TNRC6B: variants seen among roughly 807,000 people sequenced by gnomAD.
TNRC6B encodes the protein trinucleotide repeat-containing gene 6B protein.
Under a neutral mutation model 203.6 loss-of-function variants are expected in TNRC6B, and 52 were observed. The ratio of observed to expected loss-of-function variants is 0.26; its 90% confidence interval spans 0.20 to 0.32. The LOEUF (loss-of-function observed/expected upper bound fraction) is 0.32, where lower values mean the gene tolerates loss of function less well. Ranked by LOEUF, TNRC6B falls within the 10% of genes least tolerant of loss-of-function variation. The pLI, the probability that TNRC6B is intolerant of heterozygous loss-of-function variation, is 1.00. For missense variants in TNRC6B, 1,923 were observed against 2,286.2 expected (o/e 0.84, Z 3.24); for synonymous variants, 838 against 845.7 (o/e 0.99, Z 0.16).
At chr22:40,080,136 A>G (rs2068053216) in intron 1 of TNRC6B, among the ~76,000 whole-genome samples, 1 of 123,052 alleles carries the variant, frequency 8.1e-6, no homozygotes, top group Non-Finnish European at 1.6e-5. Context: ...AGGTCTCACT[A>G]TGTTGCCCAA....
chr22:40,311,637 G>T (rs2071184022), intron 17 of TNRC6B, among the ~76,000 whole-genome samples: 1 of 152,008 alleles, frequency 6.6e-6, no homozygotes, highest in Non-Finnish European at 1.5e-5. Context: ...TGCCTCCCAG[G>T]TTCAAGCGAT....
chr22:40,099,645 A>T (rs2068216757), intron 1 of TNRC6B, among the ~76,000 whole-genome samples: 1 of 152,254 alleles, frequency 6.6e-6, no homozygotes, highest in Non-Finnish European at 1.5e-5. Context: ...ATTAGATATC[A>T]TAAATAACCT....
chr22:40,266,720 GCCA>G lies in TNRC6B; in HGVS notation c.2495_2497del (p.Pro832del). ...AGCAGCAGCCCCCACAGCAGCCGCCGCCACCACAACCAGAGGCTTCTGGTTCGT... is the reference window on the plus strand; with the variant it reads ...AGCAGCAGCCCCCACAGCAGCCGCCGCCACAACCAGAGGCTTCTGGTTCGT... On this transcript the variant is annotated inframe_deletion, in exon 5 of 23. Transcript: ENST00000454349. The G allele has an allele frequency of 6.2e-7, 1 of 1,613,912 alleles. No individual in the cohort carries two copies. Among genetic ancestry groups the G allele is most frequent in the Non-Finnish European group, 8.5e-7 (1 of 1,179,860 alleles).
intron 5 of TNRC6B, 55 bp downstream of exon 5, chr22:40,267,091 A>G: frequency 6.9e-7 from 1 of 1,446,724 alleles, no homozygotes; most frequent in South Asian, 1.5e-5. Context: ...TCCTAGACCA[A>G]GGCATTTTTA....
chr22:40,198,358 C>G (rs1436693491), intron 1 of TNRC6B, among the ~76,000 whole-genome samples: 1 of 152,018 alleles, frequency 6.6e-6, no homozygotes, highest in Non-Finnish European at 1.5e-5. Flanking sequence ...TACATTAATT[C>G]TTTTTAATTT....
chr22:40,221,140 A>G (rs964463227), intron 1 of TNRC6B, among the ~76,000 whole-genome samples: 6 of 152,186 alleles, frequency 3.9e-5, no homozygotes, highest in Middle Eastern at 3.2e-3. Context: ...CACTGAGTCC[A>G]GGCCATGTGT....
At chr22:40,282,128 G>A (rs560871177) in intron 11 of TNRC6B, among the ~76,000 whole-genome samples, 1 of 152,324 alleles carries the variant, frequency 6.6e-6, no homozygotes, top group African/African-American at 2.4e-5. Context: ...CGTTGTGGGA[G>A]GACGTTAATT....
At chr22:40,136,914 AG>A (rs1425804748) in intron 3 of TNRC6B, among the ~76,000 whole-genome samples, 1 of 152,236 alleles carries the variant, frequency 6.6e-6, no homozygotes, top group Admixed American at 6.5e-5. Flanking sequence ...CAGAGAATAA[AG>A]TCATCTGTTG....
intron 1 of TNRC6B, among the ~76,000 whole-genome samples, chr22:40,099,204 C>T (rs1023529347): frequency 2.5e-4 from 37 of 150,340 alleles, no homozygotes; most frequent in South Asian, 4.2e-4. Flanking sequence ...GAGCTGAGAT[C>T]GCGTGCACCA....
intron 1 of TNRC6B, among the ~76,000 whole-genome samples, chr22:40,054,873 C>CA (rs536397622): frequency 0.28 from 37,304 of 133,996 alleles, 4,958 homozygotes; most frequent in Non-Finnish European, 0.33. Context: ...CCCATCTCTA[C>CA]AAAAAAAAAA....
Position 40,266,186 on chromosome 22 carries a change from G to T in TNRC6B, c.1956G>T (p.Gly652=). The change falls in exon 5 of 23, where the codon GGG becomes GGT. Residue 652 remains glycine, a synonymous_variant. Transcript: ENST00000454349. Reference sequence around the variant, plus strand: ...GGAAATCTGACAAAGGAACTGAGGGGTGGGAGAGCGCTGCCACACAGACCA... The same window carrying T: ...GGAAATCTGACAAAGGAACTGAGGGTTGGGAGAGCGCTGCCACACAGACCA... ...PEGKSDKGTE[G]WESAATQTKN... 1.2e-6 allele frequency: 2 copies of T among 1,613,234 alleles called. No homozygotes were observed. Among genetic ancestry groups the T allele is most frequent in the Non-Finnish European group, 1.7e-6 (2 of 1,179,516 alleles).
chr22:40,104,988 A>G (rs537430208), intron 1 of TNRC6B, among the ~76,000 whole-genome samples: 4 of 152,328 alleles, frequency 2.6e-5, no homozygotes, highest in Admixed American at 1.3e-4. Flanking sequence ...TGTGTCTTGA[A>G]TAACAGCTTG....
rs141198760 is a variant in TNRC6B, at chr22:40,193,342, A to G, written c.5+15202A>G. Among the ~76,000 whole-genome samples, 227 of 152,340 alleles carry G rather than the reference A, an allele frequency of 1.5e-3. 1 individual carries two copies. The highest frequency in any genetic ancestry group is 5.2e-3 in the African/African-American group (216 of 41,580). ...ATTTGTTGAATGAATAAGTGAATCA[A>G]AGATGACTTGAAACAACTCAGCAAA... On this transcript the variant is annotated intron_variant, in intron 1 of 22. Coordinates refer to ENST00000454349, the MANE Select transcript of TNRC6B (RefSeq NM_001162501.2).
intron 3 of TNRC6B, among the ~76,000 whole-genome samples, chr22:40,143,781 C>T (rs567941237): frequency 9.9e-5 from 15 of 152,224 alleles, no homozygotes; most frequent in East Asian, 1.9e-4. Flanking sequence ...CAGGCGTGAG[C>T]CACTGTGCCC....
chr22:40,230,083 A>G (rs771206624), intron 1 of TNRC6B, among the ~76,000 whole-genome samples: 1 of 152,168 alleles, frequency 6.6e-6, no homozygotes, highest in Non-Finnish European at 1.5e-5. Flanking sequence ...ATCATGAGAG[A>G]GTTCCATTTG....
intron 1 of TNRC6B, chr22:40,045,355 C>G (rs1208808728): frequency 2.0e-5 from 3 of 147,684 alleles, no homozygotes; most frequent in Non-Finnish European, 3.0e-5. Flanking sequence ...CGGGCGCGCG[C>G]GCGGCTCCGG....
At chr22:40,098,005 T>C (rs765419871) in intron 1 of TNRC6B, among the ~76,000 whole-genome samples, 1 of 151,970 alleles carries the variant, frequency 6.6e-6, no homozygotes, top group Non-Finnish European at 1.5e-5. Flanking sequence ...TAACAAGTAG[T>C]TGTTAGATTA....
chr22:40,269,527 T>G (rs950634547), intron 5 of TNRC6B, among the ~76,000 whole-genome samples: 2 of 152,078 alleles, frequency 1.3e-5, no homozygotes, highest in African/African-American at 4.8e-5. Context: ...TTTCTATCAG[T>G]GATGCGGTGA....
chr22:40,263,491 A>T (rs2070419773), intron 4 of TNRC6B, among the ~76,000 whole-genome samples: 1 of 152,222 alleles, frequency 6.6e-6, no homozygotes. Context: ...ACTGGGGTCC[A>T]GTGTGAGTCA....
Sources: allele counts gnomAD v4.1 joint callset (sites outside exome capture counted in the v4.1 genomes callset), GRCh38; gene constraint gnomAD v4.1.1; transcripts MANE v1.5; gene names NCBI Gene and HGNC (gene_info 2026-07-23, HGNC 2026-07-21).